Variants in VWC2L observed in about 807,000 individuals in gnomAD.
The protein encoded by VWC2L is von Willebrand factor C domain containing 2 like.
VWC2L carries 10 observed loss-of-function variants against 21.6 expected under a neutral mutation model. The observed-to-expected ratio is 0.46, with a 90% CI of 0.29 to 0.78. The LOEUF is 0.78. Ranked by LOEUF, VWC2L falls within the 30% of genes least tolerant of loss-of-function variation. The pLI is 0.10. For synonymous variants in VWC2L, 96 were observed against 94.3 expected (o/e 1.02, Z -0.10); for missense variants, 209 against 277.1 (o/e 0.75, Z 1.74).
At chr2:214,485,711 C>T (rs905216849) in intron 3 of VWC2L, among the ~76,000 whole-genome samples, 50 of 152,140 alleles carry the variant, frequency 3.3e-4, no homozygotes, top group Non-Finnish European at 5.0e-4. Flanking sequence ...ATGTCTCCAC[C>T]TACACTCAGA....
intron 2 of VWC2L, among the ~76,000 whole-genome samples, chr2:214,429,760 T>C (rs1442645666): frequency 6.6e-6 from 1 of 152,078 alleles, no homozygotes; most frequent in Non-Finnish European, 1.5e-5. Context: ...TAGGGTTACC[T>C]GCCCTTAAAT....
intron 3 of VWC2L, among the ~76,000 whole-genome samples, chr2:214,550,671 T>A (rs1689779943): frequency 6.6e-6 from 1 of 152,176 alleles, no homozygotes; most frequent in African/African-American, 2.4e-5. Context: ...AAACGAAGAT[T>A]TTTTCCTGTT....
chr2:214,465,177 C>T (rs1006752171), intron 3 of VWC2L, among the ~76,000 whole-genome samples: 14 of 152,292 alleles, frequency 9.2e-5, no homozygotes, highest in African/African-American at 3.4e-4. Flanking sequence ...TTTACTCTTC[C>T]CTCTCCTTTC....
intron 3 of VWC2L, among the ~76,000 whole-genome samples, chr2:214,475,216 A>G (rs1347583612): frequency 6.6e-6 from 1 of 152,178 alleles, no homozygotes; most frequent in Non-Finnish European, 1.5e-5. Flanking sequence ...ATGTTATAGA[A>G]TTGTAGCATT....
Position 214,575,760 on chromosome 2 carries a change from G to T in VWC2L, c.609G>T (p.Gly203=). The T allele has an allele frequency of 6.2e-7, 1 of 1,613,540 alleles. No individual in the cohort carries two copies. The highest frequency in any genetic ancestry group is 8.5e-7 in the Non-Finnish European group (1 of 1,179,552). The part of the protein sequence containing the change: ...DECNICHCHN[G]DWWKPAQCSK... ...GTAACATCTGTCATTGTCACAACGG[G>T]GACTGGTGGAAGCCTGCTCAGTGTT... The change falls in exon 4 of 4, where the codon GGG becomes GGT. Residue 203 remains glycine (G), a synonymous_variant. Coordinates refer to ENST00000312504, the MANE Select transcript of VWC2L (RefSeq NM_001080500.4).
At chr2:214,519,325 TA>T (rs1449728612) in intron 3 of VWC2L, among the ~76,000 whole-genome samples, 1 of 151,952 alleles carries the variant, frequency 6.6e-6, no homozygotes, top group Non-Finnish European at 1.5e-5. Context: ...CCTAGAAATA[TA>T]AGATGATAAA....
At chr2:214,506,340 C>T (rs927719815) in intron 3 of VWC2L, among the ~76,000 whole-genome samples, 1 of 152,128 alleles carries the variant, frequency 6.6e-6, no homozygotes, top group African/African-American at 2.4e-5. Context: ...AACAATCACA[C>T]ATGAACAATG....
intron 3 of VWC2L, among the ~76,000 whole-genome samples, chr2:214,561,809 T>TATATATATATATATACACATAC (rs1489588765): frequency 7.9e-6 from 1 of 127,228 alleles, no homozygotes; most frequent in African/African-American, 3.5e-5. Context: ...TATATATATA[T>TATATATATATATATACACATAC]ACACACACAT....
chr2:214,539,210 T>C (rs943874132), intron 3 of VWC2L, among the ~76,000 whole-genome samples: 1 of 152,128 alleles, frequency 6.6e-6, no homozygotes, highest in South Asian at 2.1e-4. Flanking sequence ...GCAAAGGGGA[T>C]GTAAATCAAC....
chr2:214,499,737 T>A lies in VWC2L; in HGVS notation c.520+62979T>A, dbSNP rs953811608. 2.6e-5 allele frequency among the ~76,000 whole-genome samples: 4 copies of A among 152,348 alleles called. No homozygotes were observed. The East Asian group carries it at 7.7e-4, about 29-fold the overall frequency. On this transcript the variant is annotated intron_variant, in intron 3 of 3. Transcript: ENST00000312504. ...CTGTCATTTTTTATTCATGCATTGA[T>A]TGATTCATTGGTAGTTTACTCAGAA... is the stretch of plus-strand genomic sequence containing the variant.
intron 3 of VWC2L, among the ~76,000 whole-genome samples, chr2:214,480,864 C>CAAAA (rs59720596): frequency 0.022 from 1,552 of 71,546 alleles, 101 homozygotes; most frequent in African/African-American, 0.078. Flanking sequence ...TATGCCAAGC[C>CAAAA]AAAAAAAAAA....
intron 3 of VWC2L, among the ~76,000 whole-genome samples, chr2:214,524,265 A>G (rs1689291778): frequency 6.6e-6 from 1 of 152,162 alleles, no homozygotes; most frequent in Non-Finnish European, 1.5e-5. Flanking sequence ...TACCCAAATT[A>G]TTCTTGGTTG....
At chr2:214,517,505 G>A (rs181234035) in intron 3 of VWC2L, among the ~76,000 whole-genome samples, 22 of 152,240 alleles carry the variant, frequency 1.4e-4, no homozygotes, top group African/African-American at 5.1e-4. Flanking sequence ...TGAGATCCAG[G>A]TGTCAGTATT....
At chr2:214,574,857 G>A (rs1690203859) in intron 3 of VWC2L, among the ~76,000 whole-genome samples, 2 of 151,552 alleles carry the variant, frequency 1.3e-5, no homozygotes, top group South Asian at 4.2e-4. Flanking sequence ...GAAAATAAGG[G>A]GAAAGTAAGA....
intron 3 of VWC2L, among the ~76,000 whole-genome samples, chr2:214,466,284 T>C (rs1240514092): frequency 1.3e-5 from 2 of 152,152 alleles, no homozygotes; most frequent in African/African-American, 4.8e-5. Context: ...TTTTTTTTCT[T>C]TTCAGTACTT....
chr2:214,575,889 CACAAA>C lies in VWC2L; in HGVS notation c.*80_*84del. 2 of 1,508,746 alleles carry C rather than the reference CACAAA, an allele frequency of 1.3e-6. No homozygotes were observed. Among genetic ancestry groups the C allele is most frequent in the Non-Finnish European group, 1.8e-6 (2 of 1,116,394 alleles). 93.5% of individuals were successfully genotyped at this position (1,508,746 alleles called of 1,614,324 possible). A position where few individuals can be genotyped will look rare whatever the true frequency, so the allele number is the denominator to read the frequency against. On this transcript the variant is annotated 3_prime_UTR_variant, in exon 4 of 4. Transcript: ENST00000312504. ...TGGCTTCAACACTGCACATGTTTAA[CACAAA>C]ACAAAACAAACAAACTCCTGCCAGC...
chr2:214,527,715 G>A (rs868636315), intron 3 of VWC2L, among the ~76,000 whole-genome samples: 3 of 152,208 alleles, frequency 2.0e-5, no homozygotes, highest in South Asian at 2.1e-4. Context: ...TCTGTCTAAG[G>A]TAGCCCTCCT....
intron 3 of VWC2L, among the ~76,000 whole-genome samples, chr2:214,501,762 G>T (rs2126206247): frequency 6.6e-6 from 1 of 151,722 alleles, no homozygotes; most frequent in African/African-American, 2.4e-5. Flanking sequence ...CCATCCCTAG[G>T]CCTAGGCCTT....
intron 2 of VWC2L, chr2:214,436,292 AGAG>A (rs150854416): frequency 0.16 from 30,571 of 193,270 alleles, 2,540 homozygotes; most frequent in East Asian, 0.22. Flanking sequence ...CCTGTTTACG[AGAG>A]GAGGTCAGAG....
Sources: gnomAD v4.1 joint callset for allele counts (sites outside exome capture counted in the v4.1 genomes callset) on GRCh38, gnomAD v4.1.1 for gene constraint, MANE v1.5 for transcripts, NCBI Gene and HGNC (gene_info 2026-07-23, HGNC 2026-07-21) for gene names.